The following ZC3H13 variants were observed in gnomAD, a reference collection of about 807,000 sequenced individuals.
The protein encoded by ZC3H13 is zinc finger CCCH-type containing 13.
In ZC3H13, 64 loss-of-function variants were observed where a neutral mutation model predicts 204.1. That is an observed-to-expected ratio of 0.31 (90% CI 0.26 to 0.39). ZC3H13 has a LOEUF of 0.39. Ranked by LOEUF, ZC3H13 falls within the 10% of genes least tolerant of loss-of-function variation. The pLI is 1.00. For synonymous variants in ZC3H13, 667 were observed against 693.7 expected, an observed-to-expected ratio of 0.96 and a Z score of 0.60; for missense variants, 1,833 against 2,082.7, an observed-to-expected ratio of 0.88 and a Z score of 2.33.
At chr13:45,986,729 C>A (rs755852414) in intron 9 of ZC3H13, among the ~76,000 whole-genome samples, 2 of 152,182 alleles carry the variant, frequency 1.3e-5, no homozygotes, top group Non-Finnish European at 2.9e-5. Flanking sequence ...CTGCAAGGTG[C>A]TCTTATACTC....
At chr13:46,001,478 A>G (rs571266743) in intron 8 of ZC3H13, 1 of 152,354 alleles carries the variant, frequency 6.6e-6, no homozygotes, top group South Asian at 2.1e-4. Context: ...GAAAAAATAA[A>G]AAATAAAAAT....
intron 5 of ZC3H13, among the ~76,000 whole-genome samples, chr13:46,018,011 A>C (rs970332039): frequency 1.3e-5 from 2 of 152,186 alleles, no homozygotes; most frequent in African/African-American, 4.8e-5. Flanking sequence ...TTTTAAAAGA[A>C]TATAGTTAAG....
chr13:45,987,841 C>T (rs907709530), intron 9 of ZC3H13, among the ~76,000 whole-genome samples: 3 of 152,054 alleles, frequency 2.0e-5, no homozygotes, highest in African/African-American at 4.8e-5. Flanking sequence ...GTTGAATCTA[C>T]GAAGACCAGA....
At chr13:46,021,389 T>C (rs184006041) in intron 4 of ZC3H13, among the ~76,000 whole-genome samples, 15 of 152,106 alleles carry the variant, frequency 9.9e-5, no homozygotes, top group Admixed American at 9.2e-4. Flanking sequence ...CAGTGTTATA[T>C]AATTGTTATC....
intron 1 of ZC3H13, chr13:46,051,963 T>G (rs1196568535): frequency 7.6e-6 from 1 of 131,378 alleles, no homozygotes; most frequent in Non-Finnish European, 1.5e-5. Flanking sequence ...TAGCACTCAA[T>G]TCCCAGGACC....
Position 45,969,020 on chromosome 13 carries a change from A to G in ZC3H13, c.3524T>C (p.Ile1175Thr). 6.2e-7 allele frequency: 1 copy of G among 1,614,144 alleles called. No individual in the cohort carries two copies. Among genetic ancestry groups the G allele is most frequent in the Non-Finnish European group, 8.5e-7 (1 of 1,180,020 alleles). ...AGGCTTGCGATGCTGTGCATCTTCT[A>G]TAGTCACGTGAGGCGTCTCTACTTT... is the stretch of plus-strand genomic sequence containing the variant. ...VEKVETPHVT[I>T]EDAQHRKPMD... The change falls in exon 14 of 19, where the codon ATA becomes ACA. Residue 1175 changes from isoleucine (I) to threonine (T), a missense_variant. Physicochemically the swap from Ile to Thr is moderately conservative, Grantham distance 89 (BLOSUM62 -1). Around this residue, in one of 5 missense-constraint regions of ZC3H13, gnomAD observed 1,574 missense variants for 1,757.2 expected, o/e 0.90. Transcript: ENST00000679008.
In ZC3H13 at chr13:46,050,588, T is replaced by C. The variant is rs147355303; in HGVS notation, c.-10+1816A>G. ...TAAAAAGGTGATACTAAAAATAAGG[T>C]ATCTTCACATTTATACTTCATATTT... is the stretch of plus-strand genomic sequence containing the variant. On this transcript the variant is annotated intron_variant, in intron 1 of 18. Coordinates refer to ENST00000679008, the MANE Select transcript of ZC3H13 (RefSeq NM_001330564.2). Among the ~76,000 whole-genome samples the C allele has an allele frequency of 3.8e-3, 578 of 152,294 alleles. 3 individuals are homozygous for C. The highest frequency in any genetic ancestry group is 0.013 in the African/African-American group (523 of 41,574).
In ZC3H13 at chr13:45,959,455, T is replaced by G. The variant is rs114899959; in HGVS notation, c.4839+28A>C. On this transcript the variant is annotated intron_variant, in intron 18 of 18. Transcript: ENST00000679008. ...AATAGGCCATTCACACTATTCACTTTGTATTTTTTCCAAGGAAATAACAGT... is the reference window on the plus strand; with the variant it reads ...AATAGGCCATTCACACTATTCACTTGGTATTTTTTCCAAGGAAATAACAGT... 1.3e-3 allele frequency: 2,034 copies of G among 1,509,578 alleles called. 21 individuals are homozygous for G. In the African/African-American group the frequency reaches 0.025, roughly 18 times the overall value. The allele number at this position is 1,509,578 out of a possible 1,614,324, so 93.5% of individuals were successfully genotyped here.
At chr13:46,050,921 ACT>A (rs1406648917) in intron 1 of ZC3H13, among the ~76,000 whole-genome samples, 1 of 151,936 alleles carries the variant, frequency 6.6e-6, no homozygotes, top group Non-Finnish European at 1.5e-5. Context: ...AGAATAAAAG[ACT>A]CTTTCTATAT....
intron 12 of ZC3H13, among the ~76,000 whole-genome samples, chr13:45,972,146 G>A (rs1192311988): frequency 6.6e-6 from 1 of 151,560 alleles, no homozygotes; most frequent in Non-Finnish European, 1.5e-5. Flanking sequence ...CCACTACTGG[G>A]TATCTACCCA....
At chr13:45,968,513 C>G (rs1229361696) in intron 14 of ZC3H13, among the ~76,000 whole-genome samples, 1 of 152,090 alleles carries the variant, frequency 6.6e-6, no homozygotes, top group Non-Finnish European at 1.5e-5. Flanking sequence ...AGACATACTA[C>G]TAAAATCCTG....
chr13:46,011,953 C>A (rs796656055), intron 5 of ZC3H13, among the ~76,000 whole-genome samples: 1 of 152,156 alleles, frequency 6.6e-6, no homozygotes, highest in South Asian at 2.1e-4. Context: ...CCTAAAGATA[C>A]GCTACTAAAA....
chr13:46,012,495 C>G (rs1482431699), intron 5 of ZC3H13, among the ~76,000 whole-genome samples: 1 of 152,146 alleles, frequency 6.6e-6, no homozygotes. Flanking sequence ...AGAAGTCCTA[C>G]TTGACTGCTT....
At position 46,044,872 on chromosome 13, in the gene ZC3H13, G is replaced by A. The variant is rs2043835550; in HGVS notation, c.227+83C>T. The A allele has an allele frequency of 3.2e-6, 3 of 932,906 alleles. No individual in the cohort carries two copies. The Admixed American group carries it at 8.4e-5, about 26-fold the overall frequency. 57.8% of individuals were successfully genotyped at this position (932,906 alleles called of 1,614,324 possible). ...TATAGAAAATCTGACCAAATATATG[G>A]TTGTATTTCAGATTTTTATACTAGA... On this transcript the variant is annotated intron_variant, in intron 3 of 18. Transcript: ENST00000679008.
At chr13:46,042,486 T>TC (rs1169910991) in intron 3 of ZC3H13, among the ~76,000 whole-genome samples, 1 of 152,128 alleles carries the variant, frequency 6.6e-6, no homozygotes, top group Non-Finnish European at 1.5e-5. Context: ...TTACAGTTTT[T>TC]CTCCCAATAA....
chr13:46,003,398 C>G (rs886625152), intron 7 of ZC3H13, 62 bp from the exon 8 acceptor site: 34 of 1,502,286 alleles, frequency 2.3e-5, no homozygotes, highest in Non-Finnish European at 3.0e-5. Context: ...TTTTTTAAAG[C>G]CTTCTTAAAA....
intron 4 of ZC3H13, among the ~76,000 whole-genome samples, chr13:46,037,175 A>G (rs1398667866): frequency 6.6e-6 from 1 of 152,230 alleles, no homozygotes; most frequent in Non-Finnish European, 1.5e-5. Context: ...CTGTGCATCA[A>G]AAAATTGTTA....
At position 46,011,467 on chromosome 13, in the gene ZC3H13, T is replaced by A; in HGVS notation, c.536A>T (p.Lys179Met). 1 of 1,606,592 alleles carries A rather than the reference T, an allele frequency of 6.2e-7. No homozygotes were observed. The highest frequency in any genetic ancestry group is 1.7e-5 in the Admixed American group (1 of 58,836). Residue 179 changes from lysine to methionine, a missense_variant, in exon 6 of 19, where the codon AAG (lysine) becomes ATG (methionine). Around this residue, in one of 5 missense-constraint regions of ZC3H13, gnomAD observed 1,574 missense variants for 1,757.2 expected, o/e 0.90. Transcript: ENST00000679008. ...KRQKIQRELM[K>M]LEQENMEKRE... The stretch of plus-strand genomic sequence containing the variant: ...CTTCTCCATGTTTTCTTGTTCCAGC[T>A]TCATTAATTCCCTCTGTATCTTCTG...
intron 4 of ZC3H13, among the ~76,000 whole-genome samples, chr13:46,025,235 C>G (rs1051951153): frequency 6.6e-6 from 1 of 152,118 alleles, no homozygotes; most frequent in Non-Finnish European, 1.5e-5. Flanking sequence ...CAATGTTTTA[C>G]GCAAAACTTT....
Sources: gnomAD v4.1 joint callset for allele counts (sites outside exome capture counted in the v4.1 genomes callset) on GRCh38, gnomAD v4.1.1 for gene constraint, gnomAD v4.1.1 regional missense constraint, MANE v1.5 for transcripts, NCBI Gene and HGNC (gene_info 2026-07-23, HGNC 2026-07-21) for gene names.